GARIN5B: variants seen among roughly 807,000 people sequenced by gnomAD.
The protein encoded by GARIN5B is Golgi-associated RAB2 interactor protein 5B.
At chr19:55,362,300 G>T in the GARIN5B span, 1 of 1,549,510 alleles carries the variant, frequency 6.5e-7, no homozygotes, top group Non-Finnish European at 8.7e-7. Context: ...CAGGGGGGCC[G>T]TGCGCGTGGT....
At chr19:55,360,835 G>T in the GARIN5B span, 2 of 1,549,900 alleles carry the variant, frequency 1.3e-6, no homozygotes, top group South Asian at 1.2e-5. Flanking sequence ...GGCAAGGGGT[G>T]GGGTGGGTTG....
the GARIN5B span, chr19:55,358,801 C>T: frequency 6.5e-7 from 1 of 1,548,900 alleles, no homozygotes; most frequent in Non-Finnish European, 8.7e-7. Flanking sequence ...CAGAGAAGGG[C>T]CTGCTGTGCT....
At chr19:55,362,504 C>T in the GARIN5B span, 8 of 1,364,554 alleles carry the variant, frequency 5.9e-6, no homozygotes, top group Non-Finnish European at 7.8e-6. Context: ...GGGGATCATC[C>T]TGGGAGAGGG....
the GARIN5B span, chr19:55,361,178 G>A: frequency 2.4e-5 from 38 of 1,551,276 alleles, no homozygotes; most frequent in South Asian, 3.0e-4. Context: ...GCTCACCTTG[G>A]CCTTCCTCTG....
chr19:55,356,672 C>T, the GARIN5B span, among the ~76,000 whole-genome samples: 4 of 152,050 alleles, frequency 2.6e-5, no homozygotes, highest in Non-Finnish European at 5.9e-5. Flanking sequence ...TTTTAATGTA[C>T]CCCTTAAAGT....
chr19:55,358,576 C>T, the GARIN5B span: 1 of 1,551,144 alleles, frequency 6.4e-7, no homozygotes. Context: ...CCTCCTTCAC[C>T]CAGGTGTGCG....
At chr19:55,358,296 T>C in the GARIN5B span, 3 of 1,549,646 alleles carry the variant, frequency 1.9e-6, no homozygotes, top group Non-Finnish European at 2.6e-6. Context: ...GGCATCCTCA[T>C]GGGCTCCTGC....
At chr19:55,356,689 C>T in the GARIN5B span, among the ~76,000 whole-genome samples, 8 of 152,084 alleles carry the variant, frequency 5.3e-5, no homozygotes, top group South Asian at 2.1e-4. Context: ...AAGTGGCATT[C>T]GGCACATTCA....
the GARIN5B span, chr19:55,358,987 T>G: frequency 1.3e-6 from 2 of 1,551,064 alleles, no homozygotes; most frequent in African/African-American, 2.7e-5. Context: ...CCTCCTTGGT[T>G]TGGCTAATCA....
At chr19:55,355,028 G>A in the GARIN5B span, 1 of 294,192 alleles carries the variant, frequency 3.4e-6, no homozygotes, top group South Asian at 3.3e-5. Flanking sequence ...TACCAGAGGG[G>A]GCAAATCCCC....
chr19:55,361,555 A>G, the GARIN5B span: 1 of 1,040,450 alleles, frequency 9.6e-7, no homozygotes, highest in East Asian at 2.8e-5. Context: ...CCTGCCTCAG[A>G]CCCAGGAGTC....
At chr19:55,360,256 T>C in the GARIN5B span, among the ~76,000 whole-genome samples, 27 of 61,810 alleles carry the variant, frequency 4.4e-4, no homozygotes, top group African/African-American at 9.2e-4. Context: ...TCCCTCAGAC[T>C]CAGGAGTCCA....
At chr19:55,358,842 T>C in the GARIN5B span, 53 of 1,546,750 alleles carry the variant, frequency 3.4e-5, no homozygotes, top group East Asian at 1.3e-3. Flanking sequence ...GCCAGTTCCT[T>C]GGCCTTGACC....
the GARIN5B span, chr19:55,360,713 G>T: frequency 2.6e-6 from 4 of 1,551,682 alleles, no homozygotes; most frequent in Admixed American, 7.8e-5. Flanking sequence ...GACTGTGTCT[G>T]GTTGGCGGTG....
the GARIN5B span, chr19:55,355,447 TC>T: frequency 8.1e-7 from 1 of 1,231,326 alleles, no homozygotes; most frequent in Non-Finnish European, 1.2e-6. Context: ...TAGGAGAGCG[TC>T]CCCCAGGGCG....
At chr19:55,354,996 G>T in the GARIN5B span, 1 of 173,924 alleles carries the variant, frequency 5.7e-6, no homozygotes, top group Non-Finnish European at 1.1e-5. Flanking sequence ...ATATATAAAG[G>T]CATATCCATA....
At chr19:55,357,018 C>T in the GARIN5B span, among the ~76,000 whole-genome samples, 3 of 152,262 alleles carry the variant, frequency 2.0e-5, no homozygotes, top group East Asian at 5.8e-4. Context: ...GATCGCGCCA[C>T]TGCACTCTAG....
the GARIN5B span, chr19:55,362,306 G>A: frequency 2.4e-5 from 37 of 1,549,934 alleles, no homozygotes; most frequent in Middle Eastern, 3.3e-4. Flanking sequence ...GGCCGTGCGC[G>A]TGGTCCTGGG....
chr19:55,362,446 C>G, the GARIN5B span: 1 of 1,549,806 alleles, frequency 6.5e-7, no homozygotes, highest in East Asian at 2.4e-5. Context: ...GGCGCAGCTT[C>G]AGGCGCCAGG....
Sources: allele counts gnomAD v4.1 joint callset (sites outside exome capture counted in the v4.1 genomes callset), GRCh38; gene constraint gnomAD v4.1.1; transcripts MANE v1.5; gene names NCBI Gene and HGNC (gene_info 2026-07-23, HGNC 2026-07-21).